NEGR1: variants seen among roughly 807,000 people sequenced by gnomAD.
NEGR1 encodes the protein IgLON family member 4.
NEGR1 carries 10 observed loss-of-function variants against 40.9 expected under a neutral mutation model. The ratio of observed to expected loss-of-function variants is 0.24; its 90% CI spans 0.15 to 0.42. NEGR1 has a LOEUF of 0.42. NEGR1 is among the 10% of genes least tolerant of loss of function. The probability of loss-of-function intolerance (pLI) is 1.00; values close to 1 mark genes in which losing one functional copy is unlikely to be tolerated. For synonymous variants in NEGR1, 185 were observed against 166.8 expected (o/e 1.11, Z -0.84); for missense variants, 352 against 438.9 (o/e 0.80, Z 1.77).
intron 1 of NEGR1, among the ~76,000 whole-genome samples, chr1:72,084,887 G>A (rs898218482): frequency 5.9e-5 from 9 of 152,178 alleles, no homozygotes; most frequent in Non-Finnish European, 1.2e-4. Flanking sequence ...TGATAATGCA[G>A]CACATTGGAA....
chr1:72,182,217 G>GGC (rs1652402816), intron 1 of NEGR1, among the ~76,000 whole-genome samples: 2 of 152,066 alleles, frequency 1.3e-5, no homozygotes, highest in Non-Finnish European at 2.9e-5. Flanking sequence ...AGGTTAGCTG[G>GGC]GCACAATGGC....
chr1:72,254,728 T>C (rs1390099371), intron 1 of NEGR1, among the ~76,000 whole-genome samples: 2 of 151,782 alleles, frequency 1.3e-5, no homozygotes, highest in Non-Finnish European at 2.9e-5. Flanking sequence ...AAGCATTTTA[T>C]TTATTATATG....
At chr1:71,484,263 G>GGTATGATT (rs1164551469) in intron 6 of NEGR1, among the ~76,000 whole-genome samples, 2 of 151,368 alleles carry the variant, frequency 1.3e-5, no homozygotes, top group East Asian at 3.9e-4. Context: ...GTTAACCTCT[G>GGTATGATT]GTATGATTGG....
At chr1:72,047,066 T>C (rs563333494) in intron 1 of NEGR1, among the ~76,000 whole-genome samples, 55 of 151,536 alleles carry the variant, frequency 3.6e-4, no homozygotes, top group Non-Finnish European at 6.7e-4. Flanking sequence ...CTTTAGATTC[T>C]TACATTGAGC....
intron 1 of NEGR1, among the ~76,000 whole-genome samples, chr1:72,006,367 T>C (rs1646606562): frequency 1.3e-5 from 2 of 152,236 alleles, no homozygotes; most frequent in Non-Finnish European, 2.9e-5. Context: ...AGCAGAAACA[T>C]TCCATGCATT....
chr1:71,636,583 T>G (rs553422444), intron 4 of NEGR1, among the ~76,000 whole-genome samples: 1 of 152,202 alleles, frequency 6.6e-6, no homozygotes, highest in East Asian at 1.9e-4. Context: ...AAAGGTTCCA[T>G]AAGATTCTAT....
intron 4 of NEGR1, among the ~76,000 whole-genome samples, chr1:71,660,867 C>T (rs141077217): frequency 1.6e-3 from 248 of 152,298 alleles, no homozygotes; most frequent in Non-Finnish European, 3.0e-3. Context: ...TACTACCTGA[C>T]AGGCCCCAGT....
intron 6 of NEGR1, among the ~76,000 whole-genome samples, chr1:71,569,756 A>C (rs1266739112): frequency 6.6e-6 from 1 of 152,182 alleles, no homozygotes; most frequent in Non-Finnish European, 1.5e-5. Context: ...AAAAGAAGAC[A>C]GAAAGTGTCA....
chr1:71,576,288 G>T lies in NEGR1; in HGVS notation c.940+16529C>A, dbSNP rs140752152. Reference sequence around the variant, plus strand: ...TGTTGTTGTTGTTCTCCTCTTCTCAGAATGAGAGTCCTATTGCAGTTTTCT... The same window carrying T: ...TGTTGTTGTTGTTCTCCTCTTCTCATAATGAGAGTCCTATTGCAGTTTTCT... On this transcript the variant is annotated intron_variant, in intron 6 of 6. Transcript: ENST00000357731. 2.1e-3 allele frequency among the ~76,000 whole-genome samples: 327 copies of T among 152,258 alleles called. 3 individuals are homozygous for T. Among genetic ancestry groups the T allele is most frequent in the African/African-American group, 7.4e-3 (309 of 41,550 alleles).
intron 1 of NEGR1, among the ~76,000 whole-genome samples, chr1:72,024,370 A>G (rs1646788712): frequency 6.6e-6 from 1 of 152,052 alleles, no homozygotes; most frequent in African/African-American, 2.4e-5. Context: ...GCACCTATAT[A>G]AGACAGGATC....
chr1:72,190,893 G>A (rs949676025), intron 1 of NEGR1, among the ~76,000 whole-genome samples: 3 of 151,534 alleles, frequency 2.0e-5, no homozygotes, highest in Non-Finnish European at 4.4e-5. Context: ...AATGTTGAAA[G>A]AACTTCAACC....
chr1:71,683,241 G>A (rs973002016), intron 4 of NEGR1, among the ~76,000 whole-genome samples: 20 of 151,936 alleles, frequency 1.3e-4, no homozygotes, highest in Non-Finnish European at 2.9e-5. Flanking sequence ...ATGGCCCTTC[G>A]TGGGGGTCTT....
At chr1:71,946,152 G>A (rs1024199273) in intron 1 of NEGR1, among the ~76,000 whole-genome samples, 7 of 151,996 alleles carry the variant, frequency 4.6e-5, no homozygotes, top group African/African-American at 1.7e-4. Context: ...GGGTTCAAGC[G>A]ATCCACCCGC....
At chr1:71,909,898 T>C (rs1570490589) in intron 2 of NEGR1, among the ~76,000 whole-genome samples, 1 of 152,322 alleles carries the variant, frequency 6.6e-6, no homozygotes, top group Non-Finnish European at 1.5e-5. Flanking sequence ...AAGTCATCAA[T>C]TGTAGTTATG....
chr1:72,205,289 T>C (rs1171999302), intron 1 of NEGR1, among the ~76,000 whole-genome samples: 2 of 151,934 alleles, frequency 1.3e-5, no homozygotes, highest in Non-Finnish European at 2.9e-5. Context: ...CTTAACTCTA[T>C]GGCCACTACT....
chr1:71,946,808 T>C (rs1646023755), intron 1 of NEGR1, among the ~76,000 whole-genome samples: 1 of 152,028 alleles, frequency 6.6e-6, no homozygotes, highest in South Asian at 2.1e-4. Flanking sequence ...TATATTTATA[T>C]ATGTATCCCA....
intron 2 of NEGR1, among the ~76,000 whole-genome samples, chr1:71,907,274 A>T (rs1195428896): frequency 6.6e-6 from 1 of 152,174 alleles, no homozygotes; most frequent in East Asian, 1.9e-4. Flanking sequence ...ACTACATGGC[A>T]CTGATTGATG....
intron 1 of NEGR1, among the ~76,000 whole-genome samples, chr1:72,162,616 A>G (rs1319918405): frequency 6.6e-6 from 1 of 152,186 alleles, no homozygotes; most frequent in Non-Finnish European, 1.5e-5. Flanking sequence ...TAGCAAACAC[A>G]ACATAGCCAA....
intron 1 of NEGR1, among the ~76,000 whole-genome samples, chr1:72,024,757 A>T (rs954290306): frequency 6.6e-6 from 1 of 152,198 alleles, no homozygotes; most frequent in Non-Finnish European, 1.5e-5. Context: ...CTGTCAAAGG[A>T]AAGATTCAGT....
Sources: allele counts gnomAD v4.1 joint callset (sites outside exome capture counted in the v4.1 genomes callset), GRCh38; gene constraint gnomAD v4.1.1; transcripts MANE v1.5; gene names NCBI Gene and HGNC (gene_info 2026-07-23, HGNC 2026-07-21).